BAIAP2: variants seen among roughly 807,000 people sequenced by gnomAD.
BAIAP2 encodes the protein BAR/IMD domain containing adaptor protein 2.
Under a neutral mutation model 63.0 loss-of-function variants are expected in BAIAP2, and 18 were observed. The ratio of observed to expected loss-of-function variants is 0.29; its 90% CI spans 0.20 to 0.42. The LOEUF (loss-of-function observed/expected upper bound fraction) is 0.42. Ranked by LOEUF, BAIAP2 falls within the 10% of genes least tolerant of loss-of-function variation. BAIAP2 has a pLI of 1.00. For missense variants in BAIAP2, 610 were observed against 734.3 expected (o/e 0.83, Z 1.96); for synonymous variants, 386 against 307.6 (o/e 1.25, Z -2.67).
intron 3 of BAIAP2, among the ~76,000 whole-genome samples, chr17:81,073,172 A>G (rs928046847): frequency 6.6e-6 from 1 of 152,072 alleles, no homozygotes; most frequent in African/African-American, 2.4e-5. Flanking sequence ...TCCCCATGCC[A>G]GGGCTCAGCA....
intron 13 of BAIAP2, chr17:81,111,011 A>C: frequency 1.2e-6 from 2 of 1,607,104 alleles, no homozygotes; most frequent in Non-Finnish European, 1.7e-6. Flanking sequence ...GTGGTTCTCC[A>C]CGGGCCCTCT....
chr17:81,057,969 T>TGCGGGGGGGGGGGGGGGGGGGGG lies in BAIAP2; in HGVS notation c.217+3_217+4insCGGGGGGGGGGGGGGGGGGGGGG. ...AGAGCCAGGGCTCCAAAGAACTCGGTGAGACCCCCCCCCCCCCCCCGCCTG... is the reference window on the plus strand; with the variant it reads ...AGAGCCAGGGCTCCAAAGAACTCGGTGCGGGGGGGGGGGGGGGGGGGGGGAGACCCCCCCCCCCCCCCCGCCTG... On this transcript the variant is annotated splice_region_variant and intron_variant, in intron 3 of 13. Transcript: ENST00000428708. The TGCGGGGGGGGGGGGGGGGGGGGG allele has an allele frequency of 2.1e-6, 2 of 964,860 alleles. No homozygotes were observed. Among genetic ancestry groups the TGCGGGGGGGGGGGGGGGGGGGGG allele is most frequent in the Non-Finnish European group, 1.4e-6 (1 of 713,582 alleles). 59.8% of individuals were successfully genotyped at this position (964,860 alleles called of 1,614,324 possible). A position where few individuals can be genotyped will look rare whatever the true frequency, so the allele number is the denominator to read the frequency against.
At chr17:81,050,123 A>G (rs1296666412) in intron 1 of BAIAP2, among the ~76,000 whole-genome samples, 2 of 152,192 alleles carry the variant, frequency 1.3e-5, no homozygotes, top group African/African-American at 4.8e-5. Flanking sequence ...TGCCTGAGGC[A>G]GGGCTCCACA....
intron 6 of BAIAP2, among the ~76,000 whole-genome samples, chr17:81,095,179 G>A (rs1049969527): frequency 6.6e-6 from 1 of 151,926 alleles, no homozygotes; most frequent in Admixed American, 6.5e-5. Flanking sequence ...GTGGCTCAGC[G>A]GCGGGCGGGG....
At position 81,046,686 on chromosome 17, in the gene BAIAP2, C is replaced by T. The variant is rs540176825; in HGVS notation, c.55-6982C>T. The stretch of plus-strand genomic sequence containing the variant: ...GACAGCAAGCTCTGAGGTGTCCTCC[C>T]GCGAGGACACTGTCCACTGCTGCAG... On this transcript the variant is annotated intron_variant, in intron 1 of 13. Coordinates refer to ENST00000428708, the MANE Select transcript of BAIAP2 (RefSeq NM_001144888.2). This position sits in a 1 kb window ranked among gnomAD's most constrained non-coding sequence, Gnocchi z 4.5. Among the ~76,000 whole-genome samples, 10 of 152,306 alleles carry T rather than the reference C, an allele frequency of 6.6e-5. No homozygotes were observed. Among genetic ancestry groups the T allele is most frequent in the African/African-American group, 1.4e-4 (6 of 41,558 alleles).
intron 3 of BAIAP2, among the ~76,000 whole-genome samples, chr17:81,082,768 A>T (rs374581788): frequency 2.8e-4 from 42 of 152,304 alleles, no homozygotes; most frequent in South Asian, 2.3e-3. Flanking sequence ...GGTGGCCAGG[A>T]GGTGCCTGAG....
intron 3 of BAIAP2, among the ~76,000 whole-genome samples, chr17:81,060,410 C>T (rs1409136804): frequency 6.6e-6 from 1 of 152,218 alleles, no homozygotes; most frequent in Non-Finnish European, 1.5e-5. Flanking sequence ...TCCGGACTGG[C>T]CCATTCTAGA....
Position 81,074,072 on chromosome 17 carries a change from C to T in BAIAP2, c.218-10760C>T, listed in dbSNP as rs530663517. Among the ~76,000 whole-genome samples, 23 of 152,342 alleles carry T rather than the reference C, an allele frequency of 1.5e-4. No homozygotes were observed. The South Asian group carries it at 3.3e-3, about 22-fold the overall frequency. On this transcript the variant is annotated intron_variant, in intron 3 of 13. Coordinates refer to ENST00000428708, the MANE Select transcript of BAIAP2 (RefSeq NM_001144888.2). ...TCAGGGAGGAGCTTGTCAATGGCAT[C>T]GTCGGGCCATTCAGGAGCATGGTGT...
At chr17:81,087,553 C>T (rs1396490588) in intron 6 of BAIAP2, 1 of 152,268 alleles carries the variant, frequency 6.6e-6, no homozygotes, top group Non-Finnish European at 1.5e-5. Context: ...CCCTGCAGAC[C>T]AAGCCAGAAG....
At chr17:81,067,748 T>A (rs2051765454) in intron 3 of BAIAP2, among the ~76,000 whole-genome samples, 1 of 152,168 alleles carries the variant, frequency 6.6e-6, no homozygotes, top group South Asian at 2.1e-4. Flanking sequence ...GGAGGCACCC[T>A]CCCTGAGCGC....
intron 1 of BAIAP2, chr17:81,036,187 CAG>C (rs1315980835): frequency 6.6e-6 from 1 of 152,218 alleles, no homozygotes; most frequent in African/African-American, 2.4e-5. Flanking sequence ...GTTCTCGGTC[CAG>C]ACCCCCACGC....
intron 6 of BAIAP2, among the ~76,000 whole-genome samples, chr17:81,088,463 T>C (rs527426573): frequency 4.3e-4 from 66 of 152,336 alleles, no homozygotes; most frequent in African/African-American, 1.6e-3. Flanking sequence ...TTTGCAGCTG[T>C]GTGTCCATCA....
At chr17:81,038,897 G>A (rs59787172) in intron 1 of BAIAP2, among the ~76,000 whole-genome samples, 5 of 148,630 alleles carry the variant, frequency 3.4e-5, no homozygotes, top group African/African-American at 1.0e-4. Flanking sequence ...TCGCCTTCCT[G>A]GGTGGGGGGG....
chr17:81,100,551 C>T (rs1409479854), intron 7 of BAIAP2, among the ~76,000 whole-genome samples: 1 of 152,028 alleles, frequency 6.6e-6, no homozygotes, highest in Non-Finnish European at 1.5e-5. Context: ...TCTGCTCACC[C>T]GAGGCACTGA....
At chr17:81,085,803 G>T in intron 5 of BAIAP2, 78 bp downstream of exon 5, 3 of 1,131,820 alleles carry the variant, frequency 2.7e-6, no homozygotes, top group East Asian at 4.7e-5. Flanking sequence ...CTCCTTCCTC[G>T]GCCTGAAGGC....
Position 81,057,980 on chromosome 17 carries a change from CCCCCCCCCCGCCTG to C in BAIAP2, c.217+14_217+27del, listed in dbSNP as rs2049885775. 1.0e-5 allele frequency: 12 copies of C among 1,167,524 alleles called. 2 individuals are homozygous for C. In the East Asian group the frequency reaches 1.0e-4, roughly 10 times the overall value. 72.3% of individuals were successfully genotyped at this position (1,167,524 alleles called of 1,614,324 possible). A position where few individuals can be genotyped will look rare whatever the true frequency, so the allele number is the denominator to read the frequency against. On this transcript the variant is annotated intron_variant, in intron 3 of 13. Coordinates refer to ENST00000428708, the MANE Select transcript of BAIAP2 (RefSeq NM_001144888.2). ...TCCAAAGAACTCGGTGAGACCCCCC[CCCCCCCCCCGCCTG>C]GTAGTCGCCTGATGCCCTCAGGCAG...
intron 3 of BAIAP2, among the ~76,000 whole-genome samples, chr17:81,081,540 C>T (rs1337237130): frequency 6.6e-6 from 1 of 152,198 alleles, no homozygotes; most frequent in African/African-American, 2.4e-5. Flanking sequence ...GTCTCCTCCC[C>T]TGCCCTGGGC....
At chr17:81,092,246 G>T in intron 6 of BAIAP2, among the ~76,000 whole-genome samples, 1 of 152,234 alleles carries the variant, frequency 6.6e-6, no homozygotes, top group East Asian at 1.9e-4. Flanking sequence ...AGCGAGGCTG[G>T]GCCCATGGCA....
At chr17:81,098,712 T>C (rs954620392) in intron 6 of BAIAP2, among the ~76,000 whole-genome samples, 1 of 152,222 alleles carries the variant, frequency 6.6e-6, no homozygotes, top group Admixed American at 6.5e-5. Flanking sequence ...GCTGGAACCC[T>C]TTCTGGGCCG....
Sources: gnomAD v4.1 joint callset for allele counts (sites outside exome capture counted in the v4.1 genomes callset) on GRCh38, gnomAD v4.1.1 for gene constraint, Gnocchi (gnomAD v3.1) non-coding constraint, MANE v1.5 for transcripts, NCBI Gene and HGNC (gene_info 2026-07-23, HGNC 2026-07-21) for gene names.